The following CPNE4 variants were observed in gnomAD, a reference collection of about 807,000 sequenced individuals.
CPNE4 encodes the protein copine 4.
A neutral mutation model predicts 67.9 loss-of-function variants in CPNE4; 25 were observed. The ratio of observed to expected loss-of-function variants is 0.37; its 90% confidence interval spans 0.27 to 0.51. CPNE4 has a LOEUF of 0.51. CPNE4 is among the 20% of genes least tolerant of loss of function. CPNE4 has a pLI of 0.93. For missense variants in CPNE4, 464 were observed against 690.8 expected, an observed-to-expected ratio of 0.67 and a Z score of 3.68; for synonymous variants, 242 against 244.9, an observed-to-expected ratio of 0.99 and a Z score of 0.11.
chr3:131,596,165 T>TA (rs1553735259), intron 7 of CPNE4, among the ~76,000 whole-genome samples: 1 of 150,354 alleles, frequency 6.7e-6, no homozygotes, highest in Non-Finnish European at 1.5e-5. Context: ...AACAAACAAA[T>TA]AAATAAGTAA....
intron 7 of CPNE4, among the ~76,000 whole-genome samples, chr3:131,632,762 C>T (rs2079263693): frequency 6.6e-6 from 1 of 152,178 alleles, no homozygotes; most frequent in African/African-American, 2.4e-5. Context: ...CTCTTATGCT[C>T]AGGCCTTAGG....
At chr3:131,668,860 G>C (rs1392447424) in intron 7 of CPNE4, among the ~76,000 whole-genome samples, 1 of 152,074 alleles carries the variant, frequency 6.6e-6, no homozygotes, top group African/African-American at 2.4e-5. Context: ...ACATTCCCAA[G>C]GTGCTCAGAA....
intron 2 of CPNE4, among the ~76,000 whole-genome samples, chr3:131,823,598 G>A (rs565000532): frequency 6.6e-6 from 1 of 152,174 alleles, no homozygotes. Flanking sequence ...ATGAGCTTTA[G>A]AACATCTCTG....
chr3:131,586,722 C>CTCTCTCTG (rs753075283), intron 8 of CPNE4, among the ~76,000 whole-genome samples: 1 of 148,384 alleles, frequency 6.7e-6, no homozygotes, highest in East Asian at 2.0e-4. Flanking sequence ...GACTTTCTAT[C>CTCTCTCTG]TCTATCTGTC....
intron 7 of CPNE4, among the ~76,000 whole-genome samples, chr3:131,654,818 T>C (rs1215893118): frequency 6.6e-6 from 1 of 152,178 alleles, no homozygotes; most frequent in Non-Finnish European, 1.5e-5. Flanking sequence ...TTATTACCAC[T>C]GAAGGGGGCA....
chr3:131,557,286 C>T (rs894184848), intron 11 of CPNE4, among the ~76,000 whole-genome samples: 3 of 152,062 alleles, frequency 2.0e-5, no homozygotes, highest in African/African-American at 7.2e-5. Context: ...ACAATTCCTA[C>T]ATTTCACTGT....
chr3:131,837,243 C>T (rs1451492520), intron 2 of CPNE4, among the ~76,000 whole-genome samples: 3 of 152,012 alleles, frequency 2.0e-5, no homozygotes, highest in Admixed American at 1.3e-4. Flanking sequence ...TGAAAATGTA[C>T]ATTTACATAA....
intron 1 of CPNE4, among the ~76,000 whole-genome samples, chr3:132,019,579 A>G (rs2073951085): frequency 6.6e-6 from 1 of 152,212 alleles, no homozygotes; most frequent in African/African-American, 2.4e-5. Context: ...TTGTCCATTT[A>G]CTTTTAAAAA....
intron 2 of CPNE4, among the ~76,000 whole-genome samples, chr3:131,734,010 G>C (rs1490782541): frequency 6.6e-6 from 1 of 152,210 alleles, no homozygotes; most frequent in Non-Finnish European, 1.5e-5. Flanking sequence ...AGGGTGAAGT[G>C]ATGGGGGTTG....
chr3:131,952,019 C>T (rs1345600984), intron 1 of CPNE4, among the ~76,000 whole-genome samples: 1 of 151,156 alleles, frequency 6.6e-6, no homozygotes, highest in African/African-American at 2.4e-5. Context: ...TCTGCCTGGC[C>T]GCCCATCGTC....
At chr3:131,700,408 C>T (rs1278713854) in intron 3 of CPNE4, among the ~76,000 whole-genome samples, 1 of 152,052 alleles carries the variant, frequency 6.6e-6, no homozygotes. Context: ...CTAAATATAA[C>T]TTCTAGAGTT....
intron 2 of CPNE4, among the ~76,000 whole-genome samples, chr3:131,746,030 CTATT>C (rs1171083578): frequency 6.6e-6 from 1 of 152,054 alleles, no homozygotes; most frequent in Non-Finnish European, 1.5e-5. Flanking sequence ...GCATGTGTCT[CTATT>C]TACTTAGATC....
chr3:131,633,405 G>T (rs778072510), intron 7 of CPNE4, among the ~76,000 whole-genome samples: 3 of 151,934 alleles, frequency 2.0e-5, no homozygotes, highest in Non-Finnish European at 4.4e-5. Flanking sequence ...CTTTATAAAA[G>T]TTGACCTCTG....
At chr3:131,897,387 T>C (rs1484662458) in intron 2 of CPNE4, among the ~76,000 whole-genome samples, 2 of 152,112 alleles carry the variant, frequency 1.3e-5, no homozygotes, top group East Asian at 3.9e-4. Flanking sequence ...ATGTAATGAC[T>C]TAGCATATGG....
intron 1 of CPNE4, among the ~76,000 whole-genome samples, chr3:131,958,604 C>CCTTTTTTT: frequency 2.3e-5 from 1 of 44,300 alleles, no homozygotes; most frequent in Non-Finnish European, 4.4e-5. Context: ...ACCTTTCTTT[C>CCTTTTTTT]TTTTCTTTTT....
rs540845656 is a variant in CPNE4 at position 131,980,388 on chromosome 3, ATT to A, written c.-2+54177_-2+54178del. ...CAGACTTCCTGGAGGTTTTGTTCATATTTTCTTATTCTTTTTTCTTTGTCTTT... is the reference window on the plus strand; with the variant it reads ...CAGACTTCCTGGAGGTTTTGTTCATATTCTTATTCTTTTTTCTTTGTCTTT... On this transcript the variant is annotated intron_variant, in intron 1 of 15. Transcript: ENST00000429747. 2.6e-4 allele frequency among the ~76,000 whole-genome samples: 39 copies of A among 151,984 alleles called. 1 individual carries two copies. In the South Asian group the frequency reaches 7.7e-3, roughly 30 times the overall value.
intron 2 of CPNE4, among the ~76,000 whole-genome samples, chr3:131,751,314 G>A (rs1410635174): frequency 1.3e-5 from 2 of 151,976 alleles, no homozygotes; most frequent in Non-Finnish European, 2.9e-5. Context: ...ACAGGTTTCT[G>A]AAGTGTTATT....
At chr3:131,609,696 T>G (rs546243618) in intron 7 of CPNE4, among the ~76,000 whole-genome samples, 24 of 152,296 alleles carry the variant, frequency 1.6e-4, no homozygotes, top group African/African-American at 5.5e-4. Context: ...ACAATCTAGA[T>G]GTGATTGGAA....
intron 1 of CPNE4, among the ~76,000 whole-genome samples, chr3:131,921,974 G>C (rs2070749773): frequency 1.3e-5 from 2 of 152,120 alleles, no homozygotes; most frequent in African/African-American, 4.8e-5. Flanking sequence ...GTGCAGGTCT[G>C]TTACCGGGGC....
Sources: gnomAD v4.1 joint callset for allele counts (sites outside exome capture counted in the v4.1 genomes callset) on GRCh38, gnomAD v4.1.1 for gene constraint, MANE v1.5 for transcripts, NCBI Gene and HGNC (gene_info 2026-07-23, HGNC 2026-07-21) for gene names.